The following NCK1 variants were observed in gnomAD, a reference collection of about 807,000 sequenced individuals.
NCK1 encodes SH2/SH3 adapter protein NCK1.
NCK1 carries 19 observed loss-of-function variants against 36.6 expected under a neutral mutation model. The ratio of observed to expected loss-of-function variants is 0.52; its 90% CI spans 0.36 to 0.76. NCK1 has a LOEUF of 0.76. NCK1 is among the 30% of genes least tolerant of loss of function. NCK1 has a pLI of 0.00. For missense variants in NCK1, 358 were observed against 445.6 expected, an observed-to-expected ratio of 0.80 and a Z score of 1.77; for synonymous variants, 165 against 156.0, an observed-to-expected ratio of 1.06 and a Z score of -0.43.
intron 1 of NCK1, among the ~76,000 whole-genome samples, chr3:136,904,099 T>C (rs1188699547): frequency 6.6e-6 from 1 of 152,228 alleles, no homozygotes; most frequent in East Asian, 1.9e-4. Flanking sequence ...TTATGAAGGA[T>C]AACTTTGCTG....
chr3:136,888,281 C>T (rs1939127705), intron 1 of NCK1, among the ~76,000 whole-genome samples: 1 of 151,948 alleles, frequency 6.6e-6, no homozygotes, highest in Admixed American at 6.6e-5. Context: ...AGTCATTAGT[C>T]TTGTCGGTTT....
At chr3:136,919,860 A>T (rs1940060891) in intron 1 of NCK1, among the ~76,000 whole-genome samples, 1 of 152,156 alleles carries the variant, frequency 6.6e-6, no homozygotes, top group Non-Finnish European at 1.5e-5. Context: ...TCTAAAGGGA[A>T]ATCTCTTGTT....
rs1479789551 is a variant in NCK1 at position 136,950,264 on chromosome 3, T to G, written c.*1811T>G. Among the ~76,000 whole-genome samples the G allele has an allele frequency of 5.3e-5, 8 of 152,154 alleles. No homozygotes were observed. The highest frequency in any genetic ancestry group is 5.2e-4 in the Admixed American group (8 of 15,282). On this transcript the variant is annotated 3_prime_UTR_variant, in exon 4 of 4. Transcript: ENST00000481752. ...CCCAGTCTTCCTTATGAAAAAAATGTATGTTTGTAAAAAGAGAACAATTAA... is the reference window on the plus strand; with the variant it reads ...CCCAGTCTTCCTTATGAAAAAAATGGATGTTTGTAAAAAGAGAACAATTAA...
intron 2 of NCK1, among the ~76,000 whole-genome samples, chr3:136,940,310 C>CAA (rs1384470319): frequency 3.9e-5 from 6 of 152,192 alleles, no homozygotes; most frequent in Non-Finnish European, 1.5e-5. Flanking sequence ...TAGTACTGCT[C>CAA]AAGGCCTCTA....
intron 1 of NCK1, among the ~76,000 whole-genome samples, chr3:136,868,396 C>T (rs548030977): frequency 8.6e-5 from 13 of 151,926 alleles, no homozygotes; most frequent in East Asian, 3.9e-4. Flanking sequence ...GGGGCAATCT[C>T]GGATCACTGT....
chr3:136,909,408 G>A (rs898517128), intron 1 of NCK1, among the ~76,000 whole-genome samples: 1 of 152,206 alleles, frequency 6.6e-6, no homozygotes. Flanking sequence ...TAAAAACCAC[G>A]TGTATGATAT....
chr3:136,921,974 G>A (rs570044842), intron 1 of NCK1, among the ~76,000 whole-genome samples: 171 of 152,184 alleles, frequency 1.1e-3, no homozygotes, highest in Middle Eastern at 3.4e-3. Context: ...TAGTAGAGAC[G>A]GGGTTTCACC....
At chr3:136,913,337 G>A (rs1334970546) in intron 1 of NCK1, among the ~76,000 whole-genome samples, 1 of 152,024 alleles carries the variant, frequency 6.6e-6, no homozygotes, top group East Asian at 1.9e-4. Flanking sequence ...GAGTGCAGTG[G>A]CATGATCATG....
chr3:136,945,228 C>A (rs751945293), intron 2 of NCK1, among the ~76,000 whole-genome samples: 1 of 151,854 alleles, frequency 6.6e-6, no homozygotes, highest in African/African-American at 2.4e-5. Context: ...TGTGGTGGAG[C>A]CTTTGTGTAC....
intron 1 of NCK1, among the ~76,000 whole-genome samples, chr3:136,875,592 C>T (rs964525186): frequency 1.1e-4 from 16 of 152,116 alleles, no homozygotes; most frequent in East Asian, 1.9e-4. Context: ...CAATTCAACA[C>T]GAAGAGCTAA....
intron 1 of NCK1, chr3:136,899,422 T>C: frequency 3.6e-6 from 1 of 279,742 alleles, no homozygotes; most frequent in Non-Finnish European, 7.2e-6. Flanking sequence ...TTCTTTTCTT[T>C]TTTTTTTTTT....
intron 1 of NCK1, among the ~76,000 whole-genome samples, chr3:136,896,041 G>A (rs1191470476): frequency 1.3e-5 from 2 of 150,976 alleles, no homozygotes; most frequent in African/African-American, 2.4e-5. Context: ...ACATATTTAC[G>A]AGGCACATGT....
intron 2 of NCK1, among the ~76,000 whole-genome samples, chr3:136,935,184 G>C (rs1450024836): frequency 1.3e-5 from 2 of 152,074 alleles, no homozygotes; most frequent in Non-Finnish European, 2.9e-5. Flanking sequence ...TACAGTGTGA[G>C]CCCCCGTGCT....
intron 1 of NCK1, among the ~76,000 whole-genome samples, chr3:136,869,643 A>G (rs1014047559): frequency 4.6e-5 from 7 of 152,246 alleles, no homozygotes; most frequent in Non-Finnish European, 7.3e-5. Context: ...TCTTAACTCT[A>G]AAGTTTCTGT....
In NCK1 at chr3:136,885,804, T is replaced by C. The variant is rs1219991859; in HGVS notation, c.-19+23451T>C. Among the ~76,000 whole-genome samples, 4 of 152,202 alleles carry C rather than the reference T, an allele frequency of 2.6e-5. No individual in the cohort carries two copies. The East Asian group carries it at 7.7e-4, about 29-fold the overall frequency. ...TTAGGCATCAAGGTTAAGGGGTTTGTAGAGGGAGAAAAGGTTCTGGGCTCT... is the reference window on the plus strand; with the variant it reads ...TTAGGCATCAAGGTTAAGGGGTTTGCAGAGGGAGAAAAGGTTCTGGGCTCT... On this transcript the variant is annotated intron_variant, in intron 1 of 3. Coordinates refer to ENST00000481752, the MANE Select transcript of NCK1 (RefSeq NM_001291999.2).
At chr3:136,889,348 C>T (rs1026624007) in intron 1 of NCK1, 2 of 158,046 alleles carry the variant, frequency 1.3e-5, no homozygotes, top group Middle Eastern at 2.7e-3. Context: ...TTTGCTCCTT[C>T]TGATGTTCAG....
chr3:136,933,305 A>G (rs1286605930), intron 2 of NCK1, among the ~76,000 whole-genome samples: 1 of 152,244 alleles, frequency 6.6e-6, no homozygotes, highest in East Asian at 1.9e-4. Context: ...GTATTGAGAA[A>G]CTTGGATGCT....
intron 1 of NCK1, among the ~76,000 whole-genome samples, chr3:136,869,698 C>T (rs1576939751): frequency 6.6e-6 from 1 of 152,072 alleles, no homozygotes; most frequent in East Asian, 1.9e-4. Context: ...CTTATGTGTA[C>T]GTAACAATAG....
chr3:136,876,019 A>G (rs1317098867), intron 1 of NCK1, among the ~76,000 whole-genome samples: 11 of 151,854 alleles, frequency 7.2e-5, no homozygotes, highest in South Asian at 2.1e-4. Context: ...CCGCTCAACT[A>G]CATGGAAACT....
Sources: gnomAD v4.1 joint callset for allele counts (sites outside exome capture counted in the v4.1 genomes callset) on GRCh38, gnomAD v4.1.1 for gene constraint, MANE v1.5 for transcripts, NCBI Gene and HGNC (gene_info 2026-07-23, HGNC 2026-07-21) for gene names.